Variants in DNAH9 observed in about 807,000 individuals in gnomAD.
DNAH9 encodes the protein DNAH9 variant protein.
A neutral mutation model predicts 471.6 loss-of-function variants in DNAH9; 345 were observed. The observed-to-expected ratio is 0.73, with a 90% confidence interval of 0.67 to 0.80. DNAH9 has a LOEUF of 0.80. Among genes scored for constraint, DNAH9 ranks in the 30% least tolerant of loss-of-function variants. DNAH9 has a pLI of 0.00. For synonymous variants in DNAH9, 2,093 were observed against 2,123.6 expected (o/e 0.99, Z 0.40); for missense variants, 5,407 against 5,609.2 (o/e 0.96, Z 1.15).
At chr17:11,897,681 T>C (rs1973262478) in intron 59 of DNAH9, among the ~76,000 whole-genome samples, 1 of 152,238 alleles carries the variant, frequency 6.6e-6, no homozygotes, top group African/African-American at 2.4e-5. Flanking sequence ...TTTGTGTGTG[T>C]GGCCTCTGAC....
intron 25 of DNAH9, 74 bp downstream of exon 25, chr17:11,704,516 TG>T: frequency 6.5e-7 from 1 of 1,541,804 alleles, no homozygotes. Context: ...AGCCAAAATA[TG>T]GGGGCCCCAG....
At position 11,892,053 on chromosome 17, in the gene DNAH9, C is replaced by T. The variant is rs367599979; in HGVS notation, c.11283+106C>T. 4 of 1,325,016 alleles carry T rather than the reference C, an allele frequency of 3.0e-6. No homozygotes were observed. The highest frequency in any genetic ancestry group is 4.6e-5 in the East Asian group (2 of 43,282). 82.1% of individuals were successfully genotyped at this position (1,325,016 alleles called of 1,614,324 possible). On this transcript the variant is annotated intron_variant, in intron 58 of 68. Coordinates refer to ENST00000262442, the MANE Select transcript of DNAH9 (RefSeq NM_001372.4). This position sits in a 1 kb window ranked among gnomAD's most constrained non-coding sequence, Gnocchi z 4.3. Reference sequence around the variant, plus strand: ...TGAACATCACTTTCCACAGCATGTCCAGACTATCTGTCTTTGGATAGAGGC... The same window carrying T: ...TGAACATCACTTTCCACAGCATGTCTAGACTATCTGTCTTTGGATAGAGGC...
At chr17:11,792,362 C>T (rs529691017) in intron 41 of DNAH9, among the ~76,000 whole-genome samples, 26 of 152,312 alleles carry the variant, frequency 1.7e-4, no homozygotes, top group Non-Finnish European at 2.6e-4. Context: ...GCACATTATT[C>T]TATGAATTTA....
intron 63 of DNAH9, among the ~76,000 whole-genome samples, chr17:11,931,046 C>A (rs1322940336): frequency 2.6e-5 from 4 of 152,214 alleles, no homozygotes; most frequent in Non-Finnish European, 4.4e-5. Context: ...TCAAAGTCTG[C>A]GGCCCAGGCC....
At chr17:11,611,507 C>T (rs2072636021) in intron 3 of DNAH9, 143 bp from the exon 4 acceptor site, 4 of 817,038 alleles carry the variant, frequency 4.9e-6, no homozygotes, top group Non-Finnish European at 1.9e-6. Context: ...GAACAGATGT[C>T]CAGGCTCTTT....
Position 11,825,611 on chromosome 17 carries a change from C to A in DNAH9, c.9246+2577C>A, listed in dbSNP as rs144438801. ...TGGCTATACCATTAGGTGACTGCAG[C>A]TCTAGCTGCACATAGTGGAGAATCC... On this transcript the variant is annotated intron_variant, in intron 48 of 68. Coordinates refer to ENST00000262442, the MANE Select transcript of DNAH9 (RefSeq NM_001372.4). 9.9e-3 allele frequency among the ~76,000 whole-genome samples: 1,510 copies of A among 152,296 alleles called. 21 individuals are homozygous for A. The highest frequency in any genetic ancestry group is 0.034 in the African/African-American group (1,395 of 41,558).
chr17:11,698,473 ATTG>A (rs1254256794), intron 22 of DNAH9, among the ~76,000 whole-genome samples: 4 of 149,490 alleles, frequency 2.7e-5, no homozygotes, highest in Non-Finnish European at 4.4e-5. Flanking sequence ...TAGGTTCTAT[ATTG>A]TTGTTATTTT....
intron 55 of DNAH9, among the ~76,000 whole-genome samples, chr17:11,882,439 A>G (rs1286809552): frequency 6.6e-6 from 1 of 152,202 alleles, no homozygotes; most frequent in Non-Finnish European, 1.5e-5. Flanking sequence ...ATGTGATTAG[A>G]TTATACAATA....
At chr17:11,838,972 G>A (rs896322158) in intron 49 of DNAH9, among the ~76,000 whole-genome samples, 13 of 152,158 alleles carry the variant, frequency 8.5e-5, no homozygotes, top group Non-Finnish European at 5.9e-5. Flanking sequence ...TAAATCAGAG[G>A]TGGGTAGTAA....
intron 17 of DNAH9, among the ~76,000 whole-genome samples, chr17:11,678,078 T>A (rs1195935274): frequency 2.0e-5 from 3 of 152,096 alleles, no homozygotes; most frequent in African/African-American, 7.2e-5. Flanking sequence ...TTTTTTGAGA[T>A]GCAGTCTCGC....
At chr17:11,820,783 G>T (rs1970278259) in intron 45 of DNAH9, among the ~76,000 whole-genome samples, 1 of 152,032 alleles carries the variant, frequency 6.6e-6, no homozygotes, top group African/African-American at 2.4e-5. Context: ...TTTTCATCAT[G>T]AAATATTTTT....
chr17:11,762,851 C>G (rs553030706), intron 35 of DNAH9, among the ~76,000 whole-genome samples: 3 of 145,056 alleles, frequency 2.1e-5, no homozygotes, highest in African/African-American at 7.6e-5. Context: ...CCGATCTCAG[C>G]TCACTGCAAG....
chr17:11,951,828 CAGG>C (rs982624094), intron 67 of DNAH9, among the ~76,000 whole-genome samples: 1 of 150,032 alleles, frequency 6.7e-6, no homozygotes, highest in Non-Finnish European at 1.5e-5. Flanking sequence ...GAGGCTGAGG[CAGG>C]AGAATTGCTT....
In DNAH9 at chr17:11,888,275, A is replaced by G. The variant is rs151269242; in HGVS notation, c.11112+1310A>G. On this transcript the variant is annotated intron_variant, in intron 57 of 68. Coordinates refer to ENST00000262442, the MANE Select transcript of DNAH9 (RefSeq NM_001372.4). ...TGGGATTACAGGCGTGAGCCACTGC[A>G]CCCGGTCCCATATTTTACGTTTTTA... is the stretch of plus-strand genomic sequence containing the variant. Among the ~76,000 whole-genome samples, 1,356 of 152,050 alleles carry G rather than the reference A, an allele frequency of 8.9e-3. 37 individuals are homozygous for G. The East Asian group carries it at 0.12, about 13-fold the overall frequency.
At chr17:11,969,050 G>T (rs1179308517) in intron 68 of DNAH9, among the ~76,000 whole-genome samples, 1 of 152,186 alleles carries the variant, frequency 6.6e-6, no homozygotes, top group Non-Finnish European at 1.5e-5. Context: ...GCTCCAAAGG[G>T]ATTCATTTGT....
At chr17:11,651,034 G>C in intron 12 of DNAH9, 35 bp from the exon 13 acceptor site, 2 of 1,602,224 alleles carry the variant, frequency 1.2e-6, no homozygotes, top group Non-Finnish European at 8.5e-7. Flanking sequence ...CATTATCACT[G>C]AACGACAGAC....
chr17:11,693,631 AGATAT>A (rs1211388779), intron 20 of DNAH9, among the ~76,000 whole-genome samples: 1 of 152,200 alleles, frequency 6.6e-6, no homozygotes, highest in African/African-American at 2.4e-5. Flanking sequence ...AAATATTGAA[AGATAT>A]GATAGATAGT....
chr17:11,705,414 C>G (rs1479586290), intron 26 of DNAH9: 2 of 500,160 alleles, frequency 4.0e-6, no homozygotes, highest in Non-Finnish European at 7.2e-6. Flanking sequence ...TGAGGAATTA[C>G]TAAATGGTCA....
intron 53 of DNAH9, among the ~76,000 whole-genome samples, chr17:11,879,172 C>T (rs972115862): frequency 6.6e-6 from 1 of 151,898 alleles, no homozygotes; most frequent in Non-Finnish European, 1.5e-5. Context: ...TGTATCATCA[C>T]TGTAAAGAAA....
Sources: allele counts gnomAD v4.1 joint callset (sites outside exome capture counted in the v4.1 genomes callset), GRCh38; gene constraint gnomAD v4.1.1; non-coding constraint Gnocchi (gnomAD v3.1); transcripts MANE v1.5; gene names NCBI Gene and HGNC (gene_info 2026-07-23, HGNC 2026-07-21).